TRIO: variants seen among roughly 807,000 people sequenced by gnomAD.
TRIO encodes trio Rho guanine nucleotide exchange factor, also known as triple functional domain protein.
In TRIO, 58 loss-of-function variants were observed where a neutral mutation model predicts 351.9. The ratio of observed to expected loss-of-function variants is 0.16; its 90% CI spans 0.13 to 0.21. TRIO has a LOEUF of 0.21. TRIO is among the 10% of genes least tolerant of loss of function. The probability of loss-of-function intolerance (pLI) is 1.00; values close to 1 mark genes in which losing one functional copy is unlikely to be tolerated. For synonymous variants in TRIO, 1,758 were observed against 1,595.7 expected (o/e 1.10, Z -2.42); for missense variants, 3,201 against 4,027.8 (o/e 0.79, Z 5.56).
chr5:14,411,210 GA>G (rs1362576669), intron 33 of TRIO, among the ~76,000 whole-genome samples: 2 of 152,150 alleles, frequency 1.3e-5, no homozygotes, highest in East Asian at 3.9e-4. Context: ...TTTCATGCAA[GA>G]GCTGAATTTG....
At chr5:14,459,725 A>C (rs1753627642) in intron 34 of TRIO, among the ~76,000 whole-genome samples, 1 of 152,178 alleles carries the variant, frequency 6.6e-6, no homozygotes, top group South Asian at 2.1e-4. Context: ...GTGACAGAGC[A>C]AGACTCCATC....
At chr5:14,315,157 C>A (rs939778537) in intron 8 of TRIO, among the ~76,000 whole-genome samples, 1 of 152,094 alleles carries the variant, frequency 6.6e-6, no homozygotes, top group African/African-American at 2.4e-5. Context: ...GTTAGCTTTT[C>A]CCATTTACCT....
chr5:14,176,692 C>T (rs1789428335), intron 1 of TRIO, among the ~76,000 whole-genome samples: 1 of 152,228 alleles, frequency 6.6e-6, no homozygotes, highest in Non-Finnish European at 1.5e-5. Flanking sequence ...CTCCTACCCA[C>T]TTGGCCTCCC....
At chr5:14,426,803 G>T (rs1750681916) in intron 34 of TRIO, among the ~76,000 whole-genome samples, 1 of 152,194 alleles carries the variant, frequency 6.6e-6, no homozygotes, top group African/African-American at 2.4e-5. Context: ...GAGACTCTCA[G>T]CACAGACGGT....
intron 34 of TRIO, among the ~76,000 whole-genome samples, chr5:14,448,728 C>G (rs1310149587): frequency 1.3e-5 from 2 of 152,114 alleles, no homozygotes; most frequent in Non-Finnish European, 2.9e-5. Context: ...GTGTGTGTGT[C>G]TTTCTGGTTT....
At chr5:14,338,430 G>A (rs894978359) in intron 11 of TRIO, among the ~76,000 whole-genome samples, 4 of 152,160 alleles carry the variant, frequency 2.6e-5, no homozygotes, top group African/African-American at 7.2e-5. Flanking sequence ...AAGGATGGGC[G>A]TGGTTAGCCG....
intron 26 of TRIO, chr5:14,390,555 T>C: frequency 5.5e-6 from 3 of 550,052 alleles, no homozygotes; most frequent in Non-Finnish European, 9.6e-6. Context: ...GGGGATTTGC[T>C]GATAGGTGAG....
At chr5:14,164,663 T>C (rs1304926504) in intron 1 of TRIO, among the ~76,000 whole-genome samples, 1 of 152,214 alleles carries the variant, frequency 6.6e-6, no homozygotes, top group Non-Finnish European at 1.5e-5. Flanking sequence ...ATGATCTTAT[T>C]TCTCATTAGT....
Position 14,420,128 on chromosome 5 carries a change from G to C in TRIO, c.5203+107G>C, listed in dbSNP as rs1749993583. Reference sequence around the variant, plus strand: ...TTAATGTGCATGAGCTTCCTTGTCAGCTGTGCCTTCAGCACATGGTCACTG... The same window carrying C: ...TTAATGTGCATGAGCTTCCTTGTCACCTGTGCCTTCAGCACATGGTCACTG... On this transcript the variant is annotated intron_variant, in intron 34 of 56. Transcript: ENST00000344204. 4 of 1,503,874 alleles carry C rather than the reference G, an allele frequency of 2.7e-6. No individual in the cohort carries two copies. The Admixed American group carries it at 7.8e-5, about 29-fold the overall frequency. 93.2% of individuals were successfully genotyped at this position (1,503,874 alleles called of 1,614,324 possible). A position where few individuals can be genotyped will look rare whatever the true frequency, so the allele number is the denominator to read the frequency against.
At chr5:14,438,246 C>T (rs186452743) in intron 34 of TRIO, among the ~76,000 whole-genome samples, 1 of 152,196 alleles carries the variant, frequency 6.6e-6, no homozygotes, top group African/African-American at 2.4e-5. Context: ...TGCACTAAAC[C>T]TGTCTCACTG....
intron 29 of TRIO, among the ~76,000 whole-genome samples, chr5:14,398,202 C>G (rs547909940): frequency 6.6e-6 from 1 of 152,320 alleles, no homozygotes; most frequent in South Asian, 2.1e-4. Context: ...TGGGCAGCCT[C>G]TGCCCTAGGG....
chr5:14,232,096 A>AT (rs535434146), intron 1 of TRIO, among the ~76,000 whole-genome samples: 4 of 152,164 alleles, frequency 2.6e-5, no homozygotes, highest in Admixed American at 2.6e-4. Flanking sequence ...GGTAGGTCTC[A>AT]TTATCTTCAT....
rs181625016 is a variant in TRIO, at chr5:14,354,390, G to C, written c.2047-3788G>C. On this transcript the variant is annotated intron_variant, in intron 11 of 56. Transcript: ENST00000344204. ...AGTGGCATAAGAACCTAGCTAAAGGGGAGTGCAGCTACAGCCAGAGGCCTC... is the reference window on the plus strand; with the variant it reads ...AGTGGCATAAGAACCTAGCTAAAGGCGAGTGCAGCTACAGCCAGAGGCCTC... 2.1e-3 allele frequency among the ~76,000 whole-genome samples: 326 copies of C among 152,320 alleles called. 1 individual carries two copies. Among genetic ancestry groups the C allele is most frequent in the Non-Finnish European group, 3.2e-3 (219 of 68,028 alleles).
chr5:14,350,430 A>G (rs183816660), intron 11 of TRIO, among the ~76,000 whole-genome samples: 13 of 152,190 alleles, frequency 8.5e-5, no homozygotes, highest in Admixed American at 6.5e-4. Context: ...CCCAAAGTCA[A>G]ATTCTTCTTT....
chr5:14,318,322 G>C (rs1266578352), intron 9 of TRIO, among the ~76,000 whole-genome samples: 4 of 149,752 alleles, frequency 2.7e-5, no homozygotes, highest in African/African-American at 9.9e-5. Flanking sequence ...TGGCGTGCTG[G>C]CACATGCTTG....
Position 14,224,996 on chromosome 5 carries a change from C to T in TRIO, c.158-45829C>T, listed in dbSNP as rs164718. Among the ~76,000 whole-genome samples the T allele has an allele frequency of 4.9e-3, 745 of 152,244 alleles. 6 individuals are homozygous for T. Among genetic ancestry groups the T allele is most frequent in the African/African-American group, 0.017 (690 of 41,534 alleles). ...CCTTGTTCCTGAGAATGAAAGGGGT[C>T]GCACTACCTCATGTCTGATGTAGAA... On this transcript the variant is annotated intron_variant, in intron 1 of 56. Coordinates refer to ENST00000344204, the MANE Select transcript of TRIO (RefSeq NM_007118.4).
chr5:14,147,444 T>C (rs961463214), intron 1 of TRIO, among the ~76,000 whole-genome samples: 4 of 152,178 alleles, frequency 2.6e-5, no homozygotes, highest in Admixed American at 2.0e-4. Context: ...CTATTTAACC[T>C]TGTGAGAGCG....
intron 1 of TRIO, among the ~76,000 whole-genome samples, chr5:14,204,359 G>C (rs1296402057): frequency 6.6e-6 from 1 of 152,108 alleles, no homozygotes; most frequent in African/African-American, 2.4e-5. Flanking sequence ...TCTTTTCCTT[G>C]GTCGATGGTC....
intron 11 of TRIO, among the ~76,000 whole-genome samples, chr5:14,338,343 C>T (rs1741619195): frequency 6.6e-6 from 1 of 152,216 alleles, no homozygotes; most frequent in Non-Finnish European, 1.5e-5. Flanking sequence ...CTGTCTTGTG[C>T]TGTGTCCTCC....
Sources: allele counts gnomAD v4.1 joint callset (sites outside exome capture counted in the v4.1 genomes callset), GRCh38; gene constraint gnomAD v4.1.1; transcripts MANE v1.5; gene names NCBI Gene and HGNC (gene_info 2026-07-23, HGNC 2026-07-21).